The following GALNT13 variants were observed in gnomAD, a reference collection of about 807,000 sequenced individuals.
GALNT13 encodes the protein UDP-GalNAc:polypeptide N-acetylgalactosaminyltransferase 13.
GALNT13 carries 28 observed loss-of-function variants against 64.2 expected under a neutral mutation model. The observed-to-expected ratio is 0.44, with a 90% CI of 0.32 to 0.60. The LOEUF (loss-of-function observed/expected upper bound fraction) is 0.60. Among genes scored for constraint, GALNT13 ranks in the 20% least tolerant of loss-of-function variants. GALNT13 has a pLI of 0.05. For missense variants in GALNT13, 577 were observed against 669.8 expected (o/e 0.86, Z 1.53); for synonymous variants, 214 against 224.6 (o/e 0.95, Z 0.42).
chr2:154,046,910 T>A (rs1699319032), intron 3 of GALNT13, among the ~76,000 whole-genome samples: 1 of 146,692 alleles, frequency 6.8e-6, no homozygotes, highest in African/African-American at 2.5e-5. Context: ...CAAAATATAT[T>A]TCTGTTGTTT....
At chr2:154,224,612 A>G (rs1309133960) in intron 4 of GALNT13, among the ~76,000 whole-genome samples, 4 of 152,124 alleles carry the variant, frequency 2.6e-5, no homozygotes, top group Admixed American at 6.6e-5. Context: ...AAATATACAG[A>G]TAAATACAAA....
chr2:153,219,590 G>A, the GALNT13 span, among the ~76,000 whole-genome samples: 1 of 152,166 alleles, frequency 6.6e-6, no homozygotes, highest in East Asian at 1.9e-4. Flanking sequence ...AGACTGTGTT[G>A]ATATTTGGCA....
chr2:154,097,854 T>C (rs1030252210), intron 3 of GALNT13, among the ~76,000 whole-genome samples: 16 of 152,118 alleles, frequency 1.1e-4, no homozygotes, highest in African/African-American at 3.9e-4. Flanking sequence ...TTCATTTCCC[T>C]CAGTTTCTTC....
At chr2:153,305,010 A>G in the GALNT13 span, among the ~76,000 whole-genome samples, 7 of 152,130 alleles carry the variant, frequency 4.6e-5, no homozygotes, top group Admixed American at 4.6e-4. Flanking sequence ...TCACATTTAC[A>G]GTTTTGGAAA....
At chr2:153,856,789 A>T in the GALNT13 span, among the ~76,000 whole-genome samples, 3 of 152,136 alleles carry the variant, frequency 2.0e-5, no homozygotes, top group African/African-American at 7.2e-5. Context: ...AAATGAGTAC[A>T]TGTGTTAAAC....
chr2:153,819,042 G>A, the GALNT13 span, among the ~76,000 whole-genome samples: 1 of 152,046 alleles, frequency 6.6e-6, no homozygotes, highest in African/African-American at 2.4e-5. Context: ...TTGTGCTAGG[G>A]ACTGAGGAAC....
intron 9 of GALNT13, among the ~76,000 whole-genome samples, chr2:154,307,023 A>G (rs567093937): frequency 6.6e-6 from 1 of 151,216 alleles, no homozygotes; most frequent in South Asian, 2.1e-4. Context: ...CACTAAATTC[A>G]CTCCCAAAAT....
chr2:153,251,820 A>G, the GALNT13 span, among the ~76,000 whole-genome samples: 4 of 151,798 alleles, frequency 2.6e-5, no homozygotes, highest in Non-Finnish European at 5.9e-5. Context: ...TTATGGCTGC[A>G]TAGTATTCCA....
At chr2:153,822,665 G>A in the GALNT13 span, among the ~76,000 whole-genome samples, 2 of 150,818 alleles carry the variant, frequency 1.3e-5, no homozygotes, top group Admixed American at 1.3e-4. Context: ...CTTAAGGACT[G>A]GAACACTGAA....
the GALNT13 span, among the ~76,000 whole-genome samples, chr2:153,261,914 C>G: frequency 2.0e-5 from 3 of 152,274 alleles, no homozygotes; most frequent in Non-Finnish European, 4.4e-5. Context: ...CTGCAGTCAT[C>G]TTTTGGTGAA....
At chr2:153,628,154 A>G in the GALNT13 span, among the ~76,000 whole-genome samples, 1 of 151,688 alleles carries the variant, frequency 6.6e-6, no homozygotes, top group Non-Finnish European at 1.5e-5. Flanking sequence ...TCTGTCTGTT[A>G]TTGGTGTATA....
the GALNT13 span, among the ~76,000 whole-genome samples, chr2:153,719,867 G>T: frequency 1.1e-4 from 17 of 151,954 alleles, no homozygotes; most frequent in African/African-American, 4.1e-4. Context: ...ACTGCAAGGC[G>T]GCAGCGAGGC....
chr2:154,412,202 A>C (rs1425909803), intron 11 of GALNT13, among the ~76,000 whole-genome samples: 1 of 151,820 alleles, frequency 6.6e-6, no homozygotes, highest in Non-Finnish European at 1.5e-5. Context: ...GATTATGGAA[A>C]AATTTAACCA....
At chr2:154,154,152 A>G (rs1684255861) in intron 4 of GALNT13, among the ~76,000 whole-genome samples, 1 of 152,210 alleles carries the variant, frequency 6.6e-6, no homozygotes, top group Non-Finnish European at 1.5e-5. Flanking sequence ...TAAGGCAGAA[A>G]TACTCAATTA....
chr2:153,861,559 CTTTT>C, the GALNT13 span, among the ~76,000 whole-genome samples: 9 of 118,192 alleles, frequency 7.6e-5, no homozygotes, highest in East Asian at 8.9e-4. Flanking sequence ...TTCTTTCTTT[CTTTT>C]TTTTTTTTTT....
At chr2:153,215,579 T>C in the GALNT13 span, among the ~76,000 whole-genome samples, 115 of 152,188 alleles carry the variant, frequency 7.6e-4, no homozygotes, top group African/African-American at 2.7e-3. Context: ...CAAGTGGCCT[T>C]TCCAAGGACA....
chr2:154,240,968 A>T (rs1293006980), intron 4 of GALNT13, among the ~76,000 whole-genome samples: 1 of 152,116 alleles, frequency 6.6e-6, no homozygotes, highest in Non-Finnish European at 1.5e-5. Context: ...TGCCCCAGCC[A>T]AATTCCGCCT....
the GALNT13 span, among the ~76,000 whole-genome samples, chr2:153,297,649 T>C: frequency 9.2e-5 from 14 of 152,308 alleles, no homozygotes; most frequent in Middle Eastern, 3.4e-3. Context: ...GCTGACTGAT[T>C]TGGAAAGCAA....
intron 4 of GALNT13, among the ~76,000 whole-genome samples, chr2:154,173,016 A>G (rs1325983112): frequency 3.9e-5 from 6 of 152,042 alleles, no homozygotes; most frequent in Non-Finnish European, 7.4e-5. Flanking sequence ...TAGACAAAGC[A>G]ATCATGAGCA....
Sources: gnomAD v4.1 joint callset for allele counts (sites outside exome capture counted in the v4.1 genomes callset) on GRCh38, gnomAD v4.1.1 for gene constraint, MANE v1.5 for transcripts, NCBI Gene and HGNC (gene_info 2026-07-23, HGNC 2026-07-21) for gene names.